The following ANKHD1 variants were observed in gnomAD, a reference collection of about 807,000 sequenced individuals.
ANKHD1 encodes ankyrin repeat and KH domain containing 1.
Under a neutral mutation model 230.5 loss-of-function variants are expected in ANKHD1, and 31 were observed. The observed-to-expected ratio is 0.13, with a 90% confidence interval of 0.10 to 0.18. The LOEUF is 0.18. Among genes scored for constraint, ANKHD1 ranks in the 10% least tolerant of loss-of-function variants. ANKHD1 has a pLI of 1.00. For missense variants in ANKHD1, 2,256 were observed against 3,071.3 expected (o/e 0.73, Z 6.27); for synonymous variants, 1,074 against 1,117.6 (o/e 0.96, Z 0.78).
intron 14 of ANKHD1, among the ~76,000 whole-genome samples, chr5:140,489,197 A>T (rs1344721254): frequency 6.6e-6 from 1 of 151,884 alleles, no homozygotes; most frequent in African/African-American, 2.4e-5. Flanking sequence ...CTCCAAAAAA[A>T]AAAAAAACCA....
At chr5:140,416,359 C>T (rs2126860379) in intron 1 of ANKHD1, among the ~76,000 whole-genome samples, 1 of 152,254 alleles carries the variant, frequency 6.6e-6, no homozygotes, top group Admixed American at 6.5e-5. Context: ...TGAGGAATCG[C>T]CAAGTTAATT....
chr5:140,415,771 T>C (rs1771323217), intron 1 of ANKHD1, among the ~76,000 whole-genome samples: 1 of 151,928 alleles, frequency 6.6e-6, no homozygotes, highest in Non-Finnish European at 1.5e-5. Context: ...TTTTTTAAAA[T>C]TTATTTTTAT....
At chr5:140,403,330 T>C (rs1040205174) in intron 1 of ANKHD1, among the ~76,000 whole-genome samples, 1 of 152,188 alleles carries the variant, frequency 6.6e-6, no homozygotes, top group African/African-American at 2.4e-5. Flanking sequence ...CTGTGTGTAC[T>C]CTAATGTGTA....
At chr5:140,445,637 A>G in intron 5 of ANKHD1, 105 bp from the exon 6 acceptor site, 1 of 1,073,600 alleles carries the variant, frequency 9.3e-7, no homozygotes, top group Non-Finnish European at 1.2e-6. Flanking sequence ...TCATAATTGT[A>G]TCTGTTCTGT....
intron 6 of ANKHD1, among the ~76,000 whole-genome samples, chr5:140,447,919 G>A (rs956549720): frequency 6.6e-6 from 1 of 152,152 alleles, no homozygotes; most frequent in African/African-American, 2.4e-5. Flanking sequence ...CTGCAAGAGG[G>A]GCAGAGAAAC....
chr5:140,519,928 G>A (rs1485934973), intron 24 of ANKHD1, among the ~76,000 whole-genome samples: 1 of 151,984 alleles, frequency 6.6e-6, no homozygotes, highest in Non-Finnish European at 1.5e-5. Context: ...ATTGACAAAT[G>A]GGATCTAATT....
chr5:140,508,374 A>G (rs547820800), intron 20 of ANKHD1, among the ~76,000 whole-genome samples: 9 of 152,332 alleles, frequency 5.9e-5, no homozygotes, highest in Admixed American at 1.3e-4. Context: ...AATTTAATTC[A>G]CAAGTTATAA....
chr5:140,491,465 A>T (rs1457634706), intron 14 of ANKHD1, among the ~76,000 whole-genome samples: 1 of 151,818 alleles, frequency 6.6e-6, no homozygotes, highest in Non-Finnish European at 1.5e-5. Context: ...ACACCCGGCG[A>T]TTACCTTGTA....
Position 140,539,608 on chromosome 5 carries a change from T to G in ANKHD1, c.*190T>G, listed in dbSNP as rs1381105612. 3.2e-6 allele frequency: 2 copies of G among 616,928 alleles called. No individual in the cohort carries two copies. The highest frequency in any genetic ancestry group is 3.7e-5 in the African/African-American group (2 of 53,824). The allele number at this position is 616,928 out of a possible 1,614,324, so 38.2% of individuals were successfully genotyped here. A position where few individuals can be genotyped will look rare whatever the true frequency, so the allele number is the denominator to read the frequency against. ...ATGTTCTCTGGTTAGTTTAGCCATT[T>G]TGAACTTAAGATCATATGACCTTAG... On this transcript the variant is annotated 3_prime_UTR_variant, in exon 34 of 34. Coordinates refer to ENST00000360839, the MANE Select transcript of ANKHD1 (RefSeq NM_017747.3).
rs115516814 is a variant in ANKHD1 at position 140,538,823 on chromosome 5, G to A, written c.7405-96G>A. ...GATCTTTTGGAGTTCTTTAAATGAG[G>A]AATATTAGAGAAGTCTAAGCTGGTA... On this transcript the variant is annotated intron_variant, in intron 32 of 33. Transcript: ENST00000360839. 170 of 1,261,112 alleles carry A rather than the reference G, an allele frequency of 1.3e-4. No homozygotes were observed. In the African/African-American group the frequency reaches 2.5e-3, roughly 18 times the overall value. 78.1% of individuals were successfully genotyped at this position (1,261,112 alleles called of 1,614,324 possible).
intron 1 of ANKHD1, among the ~76,000 whole-genome samples, chr5:140,427,531 G>C (rs555677377): frequency 7.1e-6 from 1 of 140,866 alleles, no homozygotes; most frequent in Non-Finnish European, 1.6e-5. Flanking sequence ...CGGACGGGGC[G>C]GCTGGCCGGG....
chr5:140,526,376 T>C lies in ANKHD1; in HGVS notation c.4873T>C (p.Tyr1625His). Residue 1625 changes from tyrosine to histidine, a missense_variant, in exon 26 of 34, where the codon TAC (tyrosine) becomes CAC (histidine). By Grantham distance (83) the Tyr-to-His change is moderately conservative. Around this residue, in one of 13 missense-constraint regions of ANKHD1, gnomAD observed 212 missense variants for 257.3 expected, o/e 0.82. Transcript: ENST00000360839. ...NFVMDVNSSK[Y>H]PSLLLHSQEE... ...TGTGATGGATGTGAATTCCTCTAAA[T>C]ACCCCTCACTGCTCCTTCATTCCCA... 2 of 1,614,180 alleles carry C rather than the reference T, an allele frequency of 1.2e-6. No individual in the cohort carries two copies. The highest frequency in any genetic ancestry group is 1.7e-6 in the Non-Finnish European group (2 of 1,180,028).
chr5:140,512,799 C>A, intron 22 of ANKHD1, 29 bp from the exon 23 acceptor site: 3 of 1,538,730 alleles, frequency 1.9e-6, no homozygotes, highest in African/African-American at 1.4e-5. Context: ...TTCATGCTAC[C>A]TTGTCTAAGA....
intron 1 of ANKHD1, among the ~76,000 whole-genome samples, 154 bp from the exon 2 acceptor site, chr5:140,435,950 C>T (rs1244465167): frequency 1.3e-5 from 2 of 152,148 alleles, no homozygotes. Context: ...GTCACAATGT[C>T]CTTCAAAGTC....
intron 3 of ANKHD1, 41 bp downstream of exon 3, chr5:140,438,658 A>G: frequency 2.0e-6 from 3 of 1,494,514 alleles, no homozygotes; most frequent in Non-Finnish European, 2.7e-6. Context: ...CATTTTCTTG[A>G]ATAGATTTTG....
intron 13 of ANKHD1, among the ~76,000 whole-genome samples, chr5:140,486,319 C>T (rs546641497): frequency 3.7e-4 from 56 of 152,242 alleles, no homozygotes; most frequent in Non-Finnish European, 6.3e-4. Flanking sequence ...CCTGCCTCGG[C>T]CTCCCAAAGT....
chr5:140,404,947 C>A (rs578084628), intron 1 of ANKHD1, among the ~76,000 whole-genome samples: 1 of 148,736 alleles, frequency 6.7e-6, no homozygotes, highest in East Asian at 2.0e-4. Flanking sequence ...TTGTCTCTCT[C>A]TCTTTCTGAC....
intron 1 of ANKHD1, among the ~76,000 whole-genome samples, chr5:140,415,991 A>G (rs1289769746): frequency 6.6e-6 from 1 of 151,884 alleles, no homozygotes. Flanking sequence ...CCTGTGTCCA[A>G]GTGTTCTCAT....
rs770057557 is a variant in ANKHD1, at chr5:140,459,146, GT to G, written c.1481-13del. 9 of 1,548,790 alleles carry G rather than the reference GT, an allele frequency of 5.8e-6. No individual in the cohort carries two copies. The African/African-American group carries it at 1.2e-4, about 21-fold the overall frequency. On this transcript the variant is annotated splice_polypyrimidine_tract_variant and intron_variant, in intron 8 of 33. Transcript: ENST00000360839. ...AAGTCTCTTGCAACTAATTTTATCT[GT>G]TTTTATACTTTCCTAGGAGCAAATA...
Sources: gnomAD v4.1 joint callset for allele counts (sites outside exome capture counted in the v4.1 genomes callset) on GRCh38, gnomAD v4.1.1 for gene constraint, gnomAD v4.1.1 regional missense constraint, MANE v1.5 for transcripts, NCBI Gene and HGNC (gene_info 2026-07-23, HGNC 2026-07-21) for gene names.